Variants in STPG2 observed in about 807,000 individuals in gnomAD.
The protein encoded by STPG2 is sperm-tail PG-rich repeat-containing protein 2.
STPG2 carries 56 observed loss-of-function variants against 54.2 expected under a neutral mutation model. The observed-to-expected ratio is 1.03, with a 90% CI of 0.83 to 1.29. The LOEUF is 1.29. STPG2 is among the 50% of genes most tolerant of loss of function. The pLI, the probability that STPG2 is intolerant of heterozygous loss-of-function variation, is 0.00. For missense variants in STPG2, 596 were observed against 544.9 expected (o/e 1.09, Z -0.93); for synonymous variants, 200 against 181.8 (o/e 1.10, Z -0.81).
intron 9 of STPG2, among the ~76,000 whole-genome samples, chr4:97,768,356 C>G (rs1726122452): frequency 6.6e-6 from 1 of 152,082 alleles, no homozygotes; most frequent in African/African-American, 2.4e-5. Flanking sequence ...GTGTTACAGC[C>G]TGCAAGGTGG....
intron 10 of STPG2, among the ~76,000 whole-genome samples, chr4:97,706,383 C>T (rs1450679494): frequency 6.6e-6 from 1 of 152,072 alleles, no homozygotes; most frequent in African/African-American, 2.4e-5. Context: ...GAGGTAGAGC[C>T]CTCGTGAATG....
intron 4 of STPG2, among the ~76,000 whole-genome samples, chr4:97,522,784 T>A (rs1731208940): frequency 6.6e-6 from 1 of 152,004 alleles, no homozygotes. Context: ...AGATGAAGAA[T>A]AAATGAAATA....
chr4:97,842,567 G>T (rs949825007), intron 8 of STPG2, among the ~76,000 whole-genome samples: 3 of 151,756 alleles, frequency 2.0e-5, no homozygotes, highest in Admixed American at 2.0e-4. Flanking sequence ...CACCCTACGT[G>T]GTGTCACCAT....
At chr4:97,528,630 A>G (rs1425240846) in intron 4 of STPG2, among the ~76,000 whole-genome samples, 2 of 152,146 alleles carry the variant, frequency 1.3e-5, no homozygotes, top group Non-Finnish European at 1.5e-5. Flanking sequence ...CCTATCCACG[A>G]GCATGGAATG....
At chr4:97,988,663 G>C (rs1734900100) in intron 5 of STPG2, among the ~76,000 whole-genome samples, 1 of 152,186 alleles carries the variant, frequency 6.6e-6, no homozygotes, top group African/African-American at 2.4e-5. Context: ...CTGGAGTGCA[G>C]TGGCCCAATC....
At chr4:97,782,036 C>T (rs1726645040) in intron 9 of STPG2, among the ~76,000 whole-genome samples, 1 of 152,188 alleles carries the variant, frequency 6.6e-6, no homozygotes, top group Admixed American at 6.5e-5. Flanking sequence ...ACAGGTTGCC[C>T]TCTCTCACCA....
At chr4:98,062,685 G>A (rs186340000) in intron 5 of STPG2, among the ~76,000 whole-genome samples, 243 of 152,042 alleles carry the variant, frequency 1.6e-3, no homozygotes, top group African/African-American at 5.7e-3. Context: ...TTAGATTGGT[G>A]CAAAAGCAAT....
At chr4:97,568,894 T>C (rs887354639) in intron 10 of STPG2, among the ~76,000 whole-genome samples, 3 of 132,646 alleles carry the variant, frequency 2.3e-5, no homozygotes, top group Admixed American at 7.3e-5. Flanking sequence ...TTTTGTTTTT[T>C]GTTTTGTTTT....
intron 9 of STPG2, among the ~76,000 whole-genome samples, chr4:97,765,616 C>A (rs1402989831): frequency 1.3e-5 from 2 of 152,122 alleles, no homozygotes; most frequent in African/African-American, 2.4e-5. Flanking sequence ...AGAACTTCAA[C>A]AAACCAATAG....
At chr4:97,694,584 G>A (rs938795303) in intron 10 of STPG2, among the ~76,000 whole-genome samples, 1 of 151,816 alleles carries the variant, frequency 6.6e-6, no homozygotes, top group African/African-American at 2.4e-5. Flanking sequence ...CGAGGCGGGT[G>A]GATCATGAGG....
chr4:97,883,914 G>A (rs759691129), intron 8 of STPG2, among the ~76,000 whole-genome samples: 1 of 152,122 alleles, frequency 6.6e-6, no homozygotes, highest in Non-Finnish European at 1.5e-5. Context: ...ACACCATGCA[G>A]GATAAATAGG....
At chr4:98,051,052 C>A (rs1365442874) in intron 5 of STPG2, among the ~76,000 whole-genome samples, 2 of 151,376 alleles carry the variant, frequency 1.3e-5, no homozygotes, top group African/African-American at 4.9e-5. Context: ...AGGAAGATGG[C>A]AGAATAGGAA....
rs146623680 is a variant in STPG2, at chr4:97,698,057, T to C, written c.1320+14642A>G. Among the ~76,000 whole-genome samples, 47 of 152,294 alleles carry C rather than the reference T, an allele frequency of 3.1e-4. No individual in the cohort carries two copies. The East Asian group carries it at 5.6e-3, about 18-fold the overall frequency. ...TTTCCCACTCCACACTCTATATTTCTTTGTGTGTGTTTTTAATTCCTCTAG... is the reference window on the plus strand; with the variant it reads ...TTTCCCACTCCACACTCTATATTTCCTTGTGTGTGTTTTTAATTCCTCTAG... On this transcript the variant is annotated intron_variant, in intron 10 of 10. Transcript: ENST00000295268.
At chr4:97,788,214 C>T (rs1560528146) in intron 9 of STPG2, among the ~76,000 whole-genome samples, 1 of 152,034 alleles carries the variant, frequency 6.6e-6, no homozygotes, top group Non-Finnish European at 1.5e-5. Flanking sequence ...ATCCCCGCTT[C>T]CCCTATGACC....
intron 9 of STPG2, among the ~76,000 whole-genome samples, chr4:97,785,460 T>C (rs1726795425): frequency 6.6e-6 from 1 of 152,114 alleles, no homozygotes; most frequent in African/African-American, 2.4e-5. Flanking sequence ...CCCAAGCATC[T>C]TCTATTTCAA....
intron 7 of STPG2, among the ~76,000 whole-genome samples, chr4:97,961,920 CA>C (rs1296641509): frequency 6.6e-6 from 1 of 152,128 alleles, no homozygotes; most frequent in African/African-American, 2.4e-5. Flanking sequence ...ACGTTTATAG[CA>C]GCATAATTCG....
intron 3 of STPG2, among the ~76,000 whole-genome samples, chr4:98,114,823 A>G (rs1195844924): frequency 6.6e-6 from 1 of 151,678 alleles, no homozygotes; most frequent in Non-Finnish European, 1.5e-5. Flanking sequence ...TTTAAACCAC[A>G]TGAATTGACA....
intron 4 of STPG2, among the ~76,000 whole-genome samples, chr4:97,469,506 A>G (rs1249526759): frequency 6.6e-6 from 1 of 152,082 alleles, no homozygotes; most frequent in Non-Finnish European, 1.5e-5. Context: ...GCCAACAGAG[A>G]AAGTACAGTG....
At chr4:97,549,481 G>C (rs1014664085) in intron 4 of STPG2, among the ~76,000 whole-genome samples, 1 of 152,108 alleles carries the variant, frequency 6.6e-6, no homozygotes, top group African/African-American at 2.4e-5. Context: ...TTCAAGTCCT[G>C]AGATGTCTCT....
Sources: allele counts gnomAD v4.1 joint callset (sites outside exome capture counted in the v4.1 genomes callset), GRCh38; gene constraint gnomAD v4.1.1; transcripts MANE v1.5; gene names NCBI Gene and HGNC (gene_info 2026-07-23, HGNC 2026-07-21).